Variants in DZIP1L observed in about 807,000 individuals in gnomAD.
The protein encoded by DZIP1L is cilium assembly protein DZIP1L.
Under a neutral mutation model 88.7 loss-of-function variants are expected in DZIP1L, and 90 were observed. The ratio of observed to expected loss-of-function variants is 1.02; its 90% CI spans 0.86 to 1.21. DZIP1L has a LOEUF of 1.21. Among genes scored for constraint, DZIP1L ranks in the 50% most tolerant of loss-of-function variants. The pLI, the probability that DZIP1L is intolerant of heterozygous loss-of-function variation, is 0.00. For synonymous variants in DZIP1L, 363 were observed against 372.1 expected, an observed-to-expected ratio of 0.98 and a Z score of 0.28; for missense variants, 932 against 955.8, an observed-to-expected ratio of 0.98 and a Z score of 0.33.
intron 3 of DZIP1L, among the ~76,000 whole-genome samples, chr3:138,096,585 T>C (rs935049556): frequency 2.0e-5 from 3 of 152,260 alleles, no homozygotes; most frequent in Non-Finnish European, 4.4e-5. Flanking sequence ...TATTAACTGC[T>C]GGTGATACCA....
chr3:138,100,128 A>C (rs1208151935), intron 2 of DZIP1L, among the ~76,000 whole-genome samples: 1 of 152,022 alleles, frequency 6.6e-6, no homozygotes, highest in Non-Finnish European at 1.5e-5. Context: ...AGACCAAGGC[A>C]TGGGTAGAGG....
chr3:138,082,781 T>C (rs1043099469), intron 8 of DZIP1L, among the ~76,000 whole-genome samples: 1 of 152,264 alleles, frequency 6.6e-6, no homozygotes, highest in African/African-American at 2.4e-5. Context: ...CAGCCTTTTT[T>C]GCAGCTGTAG....
At chr3:138,091,199 T>C (rs1008877471) in intron 5 of DZIP1L, among the ~76,000 whole-genome samples, 36 of 151,970 alleles carry the variant, frequency 2.4e-4, no homozygotes, top group African/African-American at 8.7e-4. Context: ...ATAAACTTGT[T>C]AGTATATCCA....
chr3:138,095,968 C>T (rs1464664768), intron 3 of DZIP1L, among the ~76,000 whole-genome samples: 1 of 152,016 alleles, frequency 6.6e-6, no homozygotes, highest in Admixed American at 6.6e-5. Context: ...AAAAAGAATA[C>T]AATTATTCTT....
Position 138,063,803 on chromosome 3 carries a change from G to A in DZIP1L, c.2142+825C>T, listed in dbSNP as rs919468190. Among the ~76,000 whole-genome samples, 2 of 152,208 alleles carry A rather than the reference G, an allele frequency of 1.3e-5. No individual in the cohort carries two copies. The highest frequency in any genetic ancestry group is 4.8e-5 in the African/African-American group (2 of 41,446). On this transcript the variant is annotated intron_variant, in intron 15 of 15. Transcript: ENST00000327532. The surrounding 1 kb of genome is among the most constrained non-coding windows in gnomAD (Gnocchi z 4.1). ...GGATGCATTACTCACAAACATACAGGAGCTGTGTGGTAAACCAAACACACT... is the reference window on the plus strand; with the variant it reads ...GGATGCATTACTCACAAACATACAGAAGCTGTGTGGTAAACCAAACACACT...
chr3:138,073,052 C>A (rs56864375), intron 11 of DZIP1L, among the ~76,000 whole-genome samples: 3,386 of 152,210 alleles, frequency 0.022, 125 homozygotes, highest in African/African-American at 0.075. Context: ...ACACGTCTAT[C>A]CCTGGCCCCA....
intron 14 of DZIP1L, among the ~76,000 whole-genome samples, chr3:138,066,103 G>C (rs1942886443): frequency 6.6e-6 from 1 of 152,216 alleles, no homozygotes; most frequent in Non-Finnish European, 1.5e-5. Flanking sequence ...CCCAAAGGCA[G>C]CCTGCTATAA....
chr3:138,071,467 T>C (rs1401524084), intron 12 of DZIP1L, among the ~76,000 whole-genome samples, 176 bp downstream of exon 12: 1 of 152,186 alleles, frequency 6.6e-6, no homozygotes, highest in Non-Finnish European at 1.5e-5. Flanking sequence ...AGATCCTATT[T>C]CCTCAACAGA....
chr3:138,074,519 C>G (rs1037631594), intron 11 of DZIP1L, among the ~76,000 whole-genome samples: 1 of 152,116 alleles, frequency 6.6e-6, no homozygotes, highest in Non-Finnish European at 1.5e-5. Context: ...CTGAGAGAAT[C>G]CGCCACTACC....
chr3:138,101,213 C>T (rs1015437430), intron 2 of DZIP1L, among the ~76,000 whole-genome samples: 1 of 137,894 alleles, frequency 7.3e-6, no homozygotes, highest in Non-Finnish European at 1.6e-5. Flanking sequence ...CATTCACACA[C>T]ACACAAACAC....
chr3:138,064,214 C>T (rs902613105), intron 15 of DZIP1L, among the ~76,000 whole-genome samples: 1 of 152,158 alleles, frequency 6.6e-6, no homozygotes, highest in Non-Finnish European at 1.5e-5. Flanking sequence ...TCCAGTACCA[C>T]CCTTGGGGGA....
intron 14 of DZIP1L, among the ~76,000 whole-genome samples, chr3:138,066,330 C>T (rs754438950): frequency 3.9e-5 from 6 of 152,176 alleles, no homozygotes; most frequent in South Asian, 4.1e-4. Flanking sequence ...AACTCTATGA[C>T]CACCAACTCT....
chr3:138,095,006 G>T (rs1306673639), intron 3 of DZIP1L, 23 bp from the exon 4 acceptor site: 2 of 1,613,882 alleles, frequency 1.2e-6, no homozygotes, highest in African/African-American at 2.7e-5. Context: ...CGCAAAGACA[G>T]GTGACCAGTT....
rs774979419 is a variant in DZIP1L, at chr3:138,064,629, T to C, written c.2141A>G (p.Gln714Arg). ...AACTCTAAGCATCCTACATCCTACC[T>C]GAGGCTTCCTTCCTGGTGTGGCAGC... is the stretch of plus-strand genomic sequence containing the variant. ...QRAATPGRKP[Q>R]LSEDESDLEI... Residue 714 changes from glutamine (Q) to arginine (R), a missense_variant and splice_region_variant, in exon 15 of 16, where the codon CAG becomes CGG. Physicochemically the swap from Gln to Arg is conservative, Grantham distance 43 (BLOSUM62 1). Transcript: ENST00000327532. 4 of 1,614,150 alleles carry C rather than the reference T, an allele frequency of 2.5e-6. No individual in the cohort carries two copies. The highest frequency in any genetic ancestry group is 2.2e-5 in the South Asian group (2 of 91,074).
chr3:138,102,583 A>G, intron 2 of DZIP1L: 2 of 1,459,386 alleles, frequency 1.4e-6, no homozygotes, highest in Non-Finnish European at 1.9e-6. Flanking sequence ...CTGCTGCTCC[A>G]GGAACCATAC....
At chr3:138,106,869 AGAGAG>A (rs767652425) in intron 1 of DZIP1L, among the ~76,000 whole-genome samples, 1 of 147,828 alleles carries the variant, frequency 6.8e-6, no homozygotes, top group African/African-American at 2.5e-5. Flanking sequence ...CAAAAAAAAA[AGAGAG>A]AGAGAGAGAG....
At chr3:138,101,412 A>G in intron 2 of DZIP1L, 2 of 707,058 alleles carry the variant, frequency 2.8e-6, no homozygotes, top group Non-Finnish European at 5.1e-6. Flanking sequence ...CCTGCACAGC[A>G]GCCTCCCCCG....
At chr3:138,069,186 A>G (rs1361284779) in intron 12 of DZIP1L, 15 of 678,850 alleles carry the variant, frequency 2.2e-5, no homozygotes, top group Non-Finnish European at 3.8e-5. Context: ...AAAGATAACA[A>G]GGATGAAGTC....
At chr3:138,096,900 TTGGG>T (rs1245001414) in intron 3 of DZIP1L, among the ~76,000 whole-genome samples, 1 of 152,188 alleles carries the variant, frequency 6.6e-6, no homozygotes, top group African/African-American at 2.4e-5. Context: ...TGAATATAGG[TTGGG>T]TGCAGTGGCT....
Sources: allele counts gnomAD v4.1 joint callset (sites outside exome capture counted in the v4.1 genomes callset), GRCh38; gene constraint gnomAD v4.1.1; non-coding constraint Gnocchi (gnomAD v3.1); transcripts MANE v1.5; gene names NCBI Gene and HGNC (gene_info 2026-07-23, HGNC 2026-07-21).